The following FAM13A variants were observed in gnomAD, a reference collection of about 807,000 sequenced individuals.
The protein encoded by FAM13A is family with sequence similarity 13 member A, also known as protein FAM13A.
Under a neutral mutation model 129.6 loss-of-function variants are expected in FAM13A, and 76 were observed. The ratio of observed to expected loss-of-function variants is 0.59; its 90% confidence interval spans 0.49 to 0.71. The LOEUF is 0.71. Ranked by LOEUF, FAM13A falls within the 30% of genes least tolerant of loss-of-function variation. FAM13A has a pLI of 0.00. For synonymous variants in FAM13A, 443 were observed against 449.9 expected (o/e 0.98, Z 0.20); for missense variants, 1,108 against 1,249.3 (o/e 0.89, Z 1.70).
At chr4:88,875,361 A>C (rs1232508953) in intron 6 of FAM13A, among the ~76,000 whole-genome samples, 2 of 152,242 alleles carry the variant, frequency 1.3e-5, no homozygotes, top group Non-Finnish European at 2.9e-5. Flanking sequence ...GGCAACCTAC[A>C]GAATGGGAGA....
chr4:88,956,136 C>T (rs1283453685), intron 4 of FAM13A, among the ~76,000 whole-genome samples: 1 of 152,172 alleles, frequency 6.6e-6, no homozygotes, highest in African/African-American at 2.4e-5. Context: ...CCTACGCCTT[C>T]CCTTTTACTC....
At chr4:89,019,841 G>A (rs6822256) in intron 3 of FAM13A, among the ~76,000 whole-genome samples, 20,903 of 149,764 alleles carry the variant, frequency 0.14, 1,690 homozygotes, top group Non-Finnish European at 0.19. Flanking sequence ...TTTACCTCAC[G>A]AAATGAACAA....
intron 2 of FAM13A, among the ~76,000 whole-genome samples, chr4:89,021,921 G>T (rs1370664507): frequency 6.6e-6 from 1 of 152,182 alleles, no homozygotes; most frequent in Non-Finnish European, 1.5e-5. Context: ...GGATAGGAGA[G>T]TAGCTGGTTT....
chr4:88,748,908 C>CTTGG (rs1741952661), intron 17 of FAM13A, 44 bp downstream of exon 17: 1 of 1,378,998 alleles, frequency 7.3e-7, no homozygotes, highest in East Asian at 2.3e-5. Context: ...AGATTCTGCA[C>CTTGG]CTGGCTTGTT....
At chr4:88,780,736 G>A (rs961740294) in intron 11 of FAM13A, among the ~76,000 whole-genome samples, 1 of 152,018 alleles carries the variant, frequency 6.6e-6, no homozygotes, top group Non-Finnish European at 1.5e-5. Context: ...AACATGAAGA[G>A]ATTTCTGAAC....
chr4:88,795,918 A>G (rs1278271763), intron 8 of FAM13A, among the ~76,000 whole-genome samples: 1 of 151,768 alleles, frequency 6.6e-6, no homozygotes, highest in African/African-American at 2.4e-5. Flanking sequence ...AGTTATGATT[A>G]TTAGTATCAT....
intron 3 of FAM13A, among the ~76,000 whole-genome samples, chr4:89,003,571 T>G (rs1325833831): frequency 6.6e-6 from 1 of 151,934 alleles, no homozygotes; most frequent in Non-Finnish European, 1.5e-5. Flanking sequence ...AAGCAGAGGT[T>G]GCAGTGAGCT....
chr4:89,005,152 T>C (rs1764835917), intron 3 of FAM13A, among the ~76,000 whole-genome samples: 1 of 152,204 alleles, frequency 6.6e-6, no homozygotes, highest in Admixed American at 6.5e-5. Context: ...CACTTATAAG[T>C]GAGAACAAGC....
intron 5 of FAM13A, among the ~76,000 whole-genome samples, chr4:88,927,427 G>A (rs1254230489): frequency 6.9e-6 from 1 of 144,924 alleles, no homozygotes; most frequent in East Asian, 2.0e-4. Context: ...ACTCCAATTT[G>A]GATGTCTTTT....
intron 4 of FAM13A, among the ~76,000 whole-genome samples, chr4:88,967,880 G>A (rs578253259): frequency 7.2e-5 from 11 of 152,232 alleles, no homozygotes; most frequent in Non-Finnish European, 1.5e-4. Flanking sequence ...TTGTTTTTCC[G>A]GGTATCACGT....
intron 3 of FAM13A, among the ~76,000 whole-genome samples, chr4:88,998,621 T>C (rs1305900939): frequency 1.3e-5 from 2 of 152,230 alleles, no homozygotes; most frequent in African/African-American, 4.8e-5. Context: ...AATAAAATTT[T>C]AATAGAAACC....
At chr4:88,879,760 C>T (rs956630152) in intron 6 of FAM13A, among the ~76,000 whole-genome samples, 2 of 152,096 alleles carry the variant, frequency 1.3e-5, no homozygotes, top group Non-Finnish European at 2.9e-5. Context: ...GTTACATTTG[C>T]GAGGGGCTGC....
At chr4:88,855,873 C>G (rs1237327018) in intron 6 of FAM13A, 8 of 152,142 alleles carry the variant, frequency 5.3e-5, no homozygotes, top group Non-Finnish European at 7.3e-5. Context: ...CTCTGTTCCA[C>G]AGGAGAGTGT....
At chr4:88,796,470 G>A (rs1186555749) in intron 8 of FAM13A, among the ~76,000 whole-genome samples, 2 of 151,870 alleles carry the variant, frequency 1.3e-5, no homozygotes, top group East Asian at 3.9e-4. Context: ...TCATTTATTT[G>A]AAATCTTATT....
At chr4:88,899,788 T>A (rs957601737) in intron 6 of FAM13A, among the ~76,000 whole-genome samples, 14 of 152,056 alleles carry the variant, frequency 9.2e-5, no homozygotes, top group African/African-American at 3.4e-4. Context: ...CTGAGATGGC[T>A]GAATTGACAG....
At chr4:88,849,690 GGTT>G (rs1737227794) in intron 7 of FAM13A, among the ~76,000 whole-genome samples, 1 of 151,762 alleles carries the variant, frequency 6.6e-6, no homozygotes, top group Non-Finnish European at 1.5e-5. Context: ...TAGAATGTAC[GGTT>G]CCTTAACACA....
At chr4:88,979,830 G>C (rs1365789203) in intron 4 of FAM13A, among the ~76,000 whole-genome samples, 2 of 152,092 alleles carry the variant, frequency 1.3e-5, no homozygotes, top group Non-Finnish European at 1.5e-5. Flanking sequence ...AATTAGCCAG[G>C]TGTGGTGGCA....
chr4:88,895,516 C>A (rs1442502709), intron 6 of FAM13A, among the ~76,000 whole-genome samples: 1 of 150,232 alleles, frequency 6.7e-6, no homozygotes, highest in African/African-American at 2.4e-5. Flanking sequence ...TTGCAACCTA[C>A]TCATCTGACA....
chr4:88,914,536 C>T (rs1749766614), intron 5 of FAM13A, among the ~76,000 whole-genome samples: 1 of 152,188 alleles, frequency 6.6e-6, no homozygotes, highest in Non-Finnish European at 1.5e-5. Flanking sequence ...GAATGATTTT[C>T]CACACTGCTC....
Sources: allele counts gnomAD v4.1 joint callset (sites outside exome capture counted in the v4.1 genomes callset), GRCh38; gene constraint gnomAD v4.1.1; transcripts MANE v1.5; gene names NCBI Gene and HGNC (gene_info 2026-07-23, HGNC 2026-07-21).